Variants in MATCAP2 observed in about 807,000 individuals in gnomAD.
MATCAP2 encodes putative tyrosine carboxypeptidase MATCAP2.
the MATCAP2 span, among the ~76,000 whole-genome samples, chr7:36,364,062 C>A: frequency 1.4e-5 from 2 of 147,588 alleles, no homozygotes; most frequent in Non-Finnish European, 3.0e-5. Context: ...TTTTTTAAAT[C>A]CCGGAAGCTA....
the MATCAP2 span, among the ~76,000 whole-genome samples, chr7:36,370,480 A>C: frequency 1.3e-5 from 2 of 151,964 alleles, no homozygotes; most frequent in East Asian, 3.9e-4. Context: ...ATTTTTATTT[A>C]TTTATTTTTC....
chr7:36,348,050 G>T, the MATCAP2 span, among the ~76,000 whole-genome samples: 3 of 152,172 alleles, frequency 2.0e-5, no homozygotes, highest in Non-Finnish European at 2.9e-5. Flanking sequence ...TGTTGGAGAT[G>T]AATATAATAT....
At chr7:36,327,284 G>A in the MATCAP2 span, among the ~76,000 whole-genome samples, 3 of 151,944 alleles carry the variant, frequency 2.0e-5, no homozygotes, top group African/African-American at 4.8e-5. Context: ...GATTACAGGC[G>A]CCCGCCACCA....
At chr7:36,356,748 C>T in the MATCAP2 span, 39,782 of 682,414 alleles carry the variant, frequency 0.058, 1,527 homozygotes, top group Non-Finnish European at 0.08. Context: ...AGGTAATACT[C>T]GTCTTGTCGC....
chr7:36,389,506 G>A, the MATCAP2 span, among the ~76,000 whole-genome samples: 7 of 152,226 alleles, frequency 4.6e-5, no homozygotes, highest in Admixed American at 3.3e-4. Context: ...GGGATTATAA[G>A]CATGCGCCAC....
At chr7:36,376,638 G>T in the MATCAP2 span, among the ~76,000 whole-genome samples, 5 of 152,112 alleles carry the variant, frequency 3.3e-5, no homozygotes, top group African/African-American at 9.7e-5. Context: ...TCAACTCCTG[G>T]ATATCCTTGT....
At chr7:36,328,701 C>T in the MATCAP2 span, among the ~76,000 whole-genome samples, 10 of 151,840 alleles carry the variant, frequency 6.6e-5, no homozygotes, top group African/African-American at 1.9e-4. Flanking sequence ...GCCGAGATCA[C>T]GCCACTGCAC....
At chr7:36,333,869 A>G in the MATCAP2 span, 2 of 1,606,520 alleles carry the variant, frequency 1.2e-6, no homozygotes, top group East Asian at 4.5e-5. Flanking sequence ...GTTGGGAAGT[A>G]TCAGTCCATC....
At chr7:36,366,392 A>AGACCCAT in the MATCAP2 span, among the ~76,000 whole-genome samples, 1 of 152,226 alleles carries the variant, frequency 6.6e-6, no homozygotes, top group African/African-American at 2.4e-5. Flanking sequence ...GTCTGTTTAA[A>AGACCCAT]GACCCATGTT....
chr7:36,390,327 T>C, the MATCAP2 span: 1 of 508,810 alleles, frequency 2.0e-6, no homozygotes, highest in Admixed American at 3.4e-5. Context: ...GTTTTTACCA[T>C]GTCCCTCTGC....
At chr7:36,390,108 C>A in the MATCAP2 span, 1 of 1,610,150 alleles carries the variant, frequency 6.2e-7, no homozygotes, top group Non-Finnish European at 8.5e-7. Flanking sequence ...CCACCTTCCT[C>A]TGTCAACCTC....
chr7:36,390,136 G>A, the MATCAP2 span: 1 of 1,597,318 alleles, frequency 6.3e-7, no homozygotes, highest in East Asian at 2.2e-5. Context: ...ACCCCCACCG[G>A]GCGGAGGGCG....
chr7:36,341,780 C>T, the MATCAP2 span, among the ~76,000 whole-genome samples: 1 of 152,168 alleles, frequency 6.6e-6, no homozygotes, highest in Non-Finnish European at 1.5e-5. Flanking sequence ...CATGTGAGGA[C>T]ACACAGCCTT....
chr7:36,389,582 T>G, the MATCAP2 span, among the ~76,000 whole-genome samples: 1 of 152,226 alleles, frequency 6.6e-6, no homozygotes, highest in South Asian at 2.1e-4. Flanking sequence ...GCGGTTGGTG[T>G]GAAGCAATCG....
At chr7:36,378,621 C>T in the MATCAP2 span, among the ~76,000 whole-genome samples, 7 of 152,220 alleles carry the variant, frequency 4.6e-5, no homozygotes, top group Non-Finnish European at 8.8e-5. Flanking sequence ...AGAACCACTG[C>T]TCTCTTCAGA....
the MATCAP2 span, among the ~76,000 whole-genome samples, chr7:36,331,355 G>A: frequency 2.6e-5 from 4 of 151,996 alleles, no homozygotes; most frequent in Non-Finnish European, 5.9e-5. Context: ...ATAGAGACTG[G>A]TAATTTTAAA....
chr7:36,367,316 C>G, the MATCAP2 span: 1 of 1,009,826 alleles, frequency 9.9e-7, no homozygotes, highest in Non-Finnish European at 1.2e-6. Context: ...CGAAGGCCCG[C>G]GGGCGGCGAG....
At chr7:36,358,034 C>T in the MATCAP2 span, among the ~76,000 whole-genome samples, 4 of 151,588 alleles carry the variant, frequency 2.6e-5, no homozygotes, top group African/African-American at 7.3e-5. Flanking sequence ...CTGTCTCTAC[C>T]AAAAAATACA....
At chr7:36,370,631 G>A in the MATCAP2 span, among the ~76,000 whole-genome samples, 46 of 152,106 alleles carry the variant, frequency 3.0e-4, no homozygotes, top group Admixed American at 1.2e-3. Flanking sequence ...ACAGGCATGC[G>A]CCACCACACC....
Sources: allele counts gnomAD v4.1 joint callset (sites outside exome capture counted in the v4.1 genomes callset), GRCh38; gene constraint gnomAD v4.1.1; transcripts MANE v1.5; gene names NCBI Gene and HGNC (gene_info 2026-07-23, HGNC 2026-07-21).